The following RANBP2 variants were observed in gnomAD, a reference collection of about 807,000 sequenced individuals.
RANBP2 encodes E3 SUMO-protein ligase RanBP2.
In RANBP2, 57 loss-of-function variants were observed where a neutral mutation model predicts 303.6. That is an observed-to-expected ratio of 0.19 (90% CI 0.15 to 0.23). The LOEUF is 0.23. Ranked by LOEUF, RANBP2 falls within the 10% of genes least tolerant of loss-of-function variation. The probability of loss-of-function intolerance (pLI) is 1.00; values close to 1 mark genes in which losing one functional copy is unlikely to be tolerated. For synonymous variants in RANBP2, 1,167 were observed against 1,301.5 expected (o/e 0.90, Z 2.23); for missense variants, 3,138 against 3,780.8 (o/e 0.83, Z 4.46).
the RANBP2 span, among the ~76,000 whole-genome samples, chr2:109,366,901 T>C: frequency 1.3e-5 from 2 of 152,194 alleles, no homozygotes; most frequent in African/African-American, 4.8e-5. Flanking sequence ...ATGATTGCTT[T>C]GTGGAAGGTA....
At chr2:108,899,855 G>A in the RANBP2 span, among the ~76,000 whole-genome samples, 10 of 152,070 alleles carry the variant, frequency 6.6e-5, no homozygotes, top group African/African-American at 9.7e-5. Context: ...GCGTGGTAGT[G>A]CACACCTGTA....
chr2:109,117,298 T>C, the RANBP2 span, among the ~76,000 whole-genome samples: 3 of 152,234 alleles, frequency 2.0e-5, no homozygotes, highest in Admixed American at 6.5e-5. Context: ...CAGTTGGAGC[T>C]TCCTGGCTGC....
chr2:109,426,942 A>G, the RANBP2 span, among the ~76,000 whole-genome samples: 2 of 150,702 alleles, frequency 1.3e-5, no homozygotes, highest in Admixed American at 1.3e-4. Context: ...TCAGATGATC[A>G]TTAACATTTT....
At chr2:109,164,292 C>T in the RANBP2 span, among the ~76,000 whole-genome samples, 6 of 152,304 alleles carry the variant, frequency 3.9e-5, no homozygotes, top group African/African-American at 1.4e-4. Context: ...AAGTGATCCT[C>T]CCACCTCAGC....
At chr2:109,048,737 G>T in the RANBP2 span, among the ~76,000 whole-genome samples, 1 of 152,254 alleles carries the variant, frequency 6.6e-6, no homozygotes, top group African/African-American at 2.4e-5. Context: ...TCCTCCTAAA[G>T]TAAGCCCATA....
At chr2:109,389,266 G>A in the RANBP2 span, among the ~76,000 whole-genome samples, 15 of 152,056 alleles carry the variant, frequency 9.9e-5, no homozygotes, top group Middle Eastern at 3.2e-3. Context: ...GCCAGGCCCC[G>A]CTCCTTGTGC....
chr2:109,053,741 G>A, the RANBP2 span, among the ~76,000 whole-genome samples: 4 of 152,228 alleles, frequency 2.6e-5, no homozygotes, highest in Non-Finnish European at 5.9e-5. Flanking sequence ...TTCCTAGGCT[G>A]CTGCTCTATA....
chr2:108,825,167 G>C, the RANBP2 span, among the ~76,000 whole-genome samples: 11 of 152,254 alleles, frequency 7.2e-5, no homozygotes, highest in East Asian at 1.5e-3. Flanking sequence ...ATAATAGGGA[G>C]GTGGGAGGAT....
chr2:108,890,129 AT>A, the RANBP2 span, among the ~76,000 whole-genome samples: 116,633 of 144,790 alleles, frequency 0.81, 48,614 homozygotes, highest in East Asian at 0.99. Flanking sequence ...CTTGGCTGAC[AT>A]TTTTTTTTTT....
chr2:108,815,335 A>G, the RANBP2 span, among the ~76,000 whole-genome samples: 4 of 151,990 alleles, frequency 2.6e-5, no homozygotes, highest in African/African-American at 7.2e-5. Context: ...TGGATAAAGA[A>G]TTTTTATGAA....
At chr2:108,958,340 C>G in the RANBP2 span, among the ~76,000 whole-genome samples, 1 of 151,924 alleles carries the variant, frequency 6.6e-6, no homozygotes, top group African/African-American at 2.4e-5. Context: ...ACCACATAAT[C>G]TAAGATAAAT....
At chr2:109,614,991 C>G in the RANBP2 span, 3 of 1,542,276 alleles carry the variant, frequency 1.9e-6, no homozygotes, top group Admixed American at 2.0e-5. Flanking sequence ...ACCGCGGACT[C>G]CAGCCCCGGG....
chr2:109,408,649 ACT>A, the RANBP2 span, among the ~76,000 whole-genome samples: 1 of 152,204 alleles, frequency 6.6e-6, no homozygotes, highest in Non-Finnish European at 1.5e-5. Flanking sequence ...CCGCACTGGC[ACT>A]CTCAGACAGA....
At chr2:108,993,138 T>A in the RANBP2 span, among the ~76,000 whole-genome samples, 1 of 150,892 alleles carries the variant, frequency 6.6e-6, no homozygotes, top group South Asian at 2.1e-4. Flanking sequence ...GATGTGGGGG[T>A]AAGGGGGTGT....
the RANBP2 span, among the ~76,000 whole-genome samples, chr2:109,508,512 A>C: frequency 6.6e-6 from 1 of 152,194 alleles, no homozygotes; most frequent in Middle Eastern, 3.2e-3. Context: ...TAGGAAAATG[A>C]GATATAAAAA....
At chr2:109,372,265 G>T in the RANBP2 span, among the ~76,000 whole-genome samples, 1 of 152,172 alleles carries the variant, frequency 6.6e-6, no homozygotes, top group African/African-American at 2.4e-5. Context: ...TAGTGAGTAC[G>T]TTTAGGGTAG....
At chr2:109,160,728 C>G in the RANBP2 span, among the ~76,000 whole-genome samples, 1 of 152,184 alleles carries the variant, frequency 6.6e-6, no homozygotes, top group Non-Finnish European at 1.5e-5. Flanking sequence ...CCTGCTCCTA[C>G]TCTGGGAGCT....
At position 108,759,177 on chromosome 2, in the gene RANBP2, G is replaced by A. The variant is rs1315958884; in HGVS notation, c.2602+629G>A. Among the ~76,000 whole-genome samples, 3 of 151,848 alleles carry A rather than the reference G, an allele frequency of 2.0e-5. No homozygotes were observed. The East Asian group carries it at 5.8e-4, about 29-fold the overall frequency. On this transcript the variant is annotated intron_variant, in intron 18 of 28. Transcript: ENST00000283195. ...ATACAGTAAACAGTTAATGAACTAA[G>A]GTTACTAATAGTGTTTACTGTGGGT...
chr2:109,273,724 A>G, the RANBP2 span, among the ~76,000 whole-genome samples: 1 of 152,350 alleles, frequency 6.6e-6, no homozygotes, highest in South Asian at 2.1e-4. Context: ...GTTGCAGGGT[A>G]GGAGTCACAT....
Sources: allele counts gnomAD v4.1 joint callset (sites outside exome capture counted in the v4.1 genomes callset), GRCh38; gene constraint gnomAD v4.1.1; transcripts MANE v1.5; gene names NCBI Gene and HGNC (gene_info 2026-07-23, HGNC 2026-07-21).